CNTN5: variants seen among roughly 807,000 people sequenced by gnomAD.
CNTN5 encodes the protein contactin-5.
In CNTN5, 77 loss-of-function variants were observed where a neutral mutation model predicts 129.1. The ratio of observed to expected loss-of-function variants is 0.60; its 90% CI spans 0.50 to 0.72. The LOEUF is 0.72. Among genes scored for constraint, CNTN5 ranks in the 30% least tolerant of loss-of-function variants. CNTN5 has a pLI of 0.00. For synonymous variants in CNTN5, 509 were observed against 465.6 expected (o/e 1.09, Z -1.20); for missense variants, 1,478 against 1,328.8 (o/e 1.11, Z -1.75).
intron 2 of CNTN5, among the ~76,000 whole-genome samples, chr11:99,528,856 G>A (rs1162594257): frequency 6.6e-6 from 1 of 151,878 alleles, no homozygotes; most frequent in Non-Finnish European, 1.5e-5. Flanking sequence ...CTGAGGTCAG[G>A]AGTTCGAGAA....
intron 21 of CNTN5, among the ~76,000 whole-genome samples, chr11:100,334,276 A>G (rs1837925): frequency 0.29 from 43,642 of 152,054 alleles, 6,577 homozygotes; most frequent in Non-Finnish European, 0.31. Context: ...AAAATCAAAA[A>G]ATAATAGATG....
At chr11:99,235,001 T>G (rs1232772848) in intron 1 of CNTN5, among the ~76,000 whole-genome samples, 2 of 151,642 alleles carry the variant, frequency 1.3e-5, no homozygotes, top group Admixed American at 6.6e-5. Context: ...AATGACTGTT[T>G]GAGGCAGGCC....
intron 2 of CNTN5, among the ~76,000 whole-genome samples, chr11:99,410,595 A>G (rs80047302): frequency 0.014 from 2,124 of 152,310 alleles, 39 homozygotes; most frequent in African/African-American, 0.047. Context: ...AGAAATAGCT[A>G]AACAGCTGTA....
At chr11:99,091,904 A>G (rs1178195803) in intron 1 of CNTN5, among the ~76,000 whole-genome samples, 2 of 152,242 alleles carry the variant, frequency 1.3e-5, no homozygotes, top group African/African-American at 2.4e-5. Context: ...AATAGTTTAC[A>G]TACCTAAATC....
chr11:99,514,570 C>A (rs1023444517), intron 2 of CNTN5, among the ~76,000 whole-genome samples: 1 of 151,948 alleles, frequency 6.6e-6, no homozygotes, highest in African/African-American at 2.4e-5. Context: ...TCATCCAGAA[C>A]CCAATAACAT....
intron 9 of CNTN5, among the ~76,000 whole-genome samples, chr11:100,037,447 T>C (rs994084624): frequency 2.6e-5 from 4 of 152,250 alleles, no homozygotes; most frequent in Admixed American, 2.0e-4. Flanking sequence ...GTTGTGTCTC[T>C]GCCCGGGTTT....
chr11:99,702,496 A>G (rs1264154415), intron 3 of CNTN5, among the ~76,000 whole-genome samples: 3 of 150,964 alleles, frequency 2.0e-5, no homozygotes, highest in Admixed American at 6.6e-5. Flanking sequence ...ATCACTAGAC[A>G]TAGGATTAAA....
intron 3 of CNTN5, among the ~76,000 whole-genome samples, chr11:99,682,628 G>A (rs1416654890): frequency 1.3e-5 from 2 of 151,978 alleles, no homozygotes; most frequent in East Asian, 3.9e-4. Flanking sequence ...TCCGTTCTGT[G>A]TAATAGGTTG....
At chr11:99,926,502 G>C (rs9787826) in intron 7 of CNTN5, among the ~76,000 whole-genome samples, 50,781 of 151,716 alleles carry the variant, frequency 0.33, 8,657 homozygotes, top group East Asian at 0.44. Flanking sequence ...TTTGATGGTA[G>C]TTTTATTTAA....
chr11:100,186,240 T>G lies in CNTN5; in HGVS notation c.1581-4886T>G, dbSNP rs536909590. 1.3e-3 allele frequency among the ~76,000 whole-genome samples: 204 copies of G among 152,076 alleles called. 1 individual carries two copies. The highest frequency in any genetic ancestry group is 4.6e-3 in the African/African-American group (189 of 41,484). On this transcript the variant is annotated intron_variant, in intron 13 of 24. Coordinates refer to ENST00000524871, the MANE Select transcript of CNTN5 (RefSeq NM_014361.4). The stretch of plus-strand genomic sequence containing the variant: ...TACAAAAATTAGCCAGGCATGGTGG[T>G]GCATGCCTGTAGTCCCAGTCTTTAC...
intron 13 of CNTN5, among the ~76,000 whole-genome samples, chr11:100,171,733 C>T (rs975091296): frequency 3.9e-5 from 6 of 151,938 alleles, no homozygotes; most frequent in African/African-American, 1.4e-4. Context: ...TTTAATTTCT[C>T]TCTCTTTGTG....
At position 99,478,706 on chromosome 11, in the gene CNTN5, C is replaced by G. The variant is rs929762386; in HGVS notation, c.-70-77439C>G. ...CATGTAAAATGCATGGTGAAGGTAGCCAAAATATTTTGAAAATTCAAAATC... is the reference window on the plus strand; with the variant it reads ...CATGTAAAATGCATGGTGAAGGTAGGCAAAATATTTTGAAAATTCAAAATC... On this transcript the variant is annotated intron_variant, in intron 2 of 24. Transcript: ENST00000524871. 2.6e-5 allele frequency among the ~76,000 whole-genome samples: 4 copies of G among 151,878 alleles called. No homozygotes were observed. The South Asian group carries it at 6.2e-4, about 24-fold the overall frequency.
intron 3 of CNTN5, among the ~76,000 whole-genome samples, chr11:99,565,719 A>G (rs1948983268): frequency 6.6e-6 from 1 of 152,196 alleles, no homozygotes; most frequent in Non-Finnish European, 1.5e-5. Context: ...AAGAGTATAT[A>G]CGATTGTGAA....
chr11:99,707,296 T>G (rs611346), intron 3 of CNTN5, among the ~76,000 whole-genome samples: 43,619 of 151,408 alleles, frequency 0.29, 6,683 homozygotes, highest in Middle Eastern at 0.43. Flanking sequence ...AGTGTTCAAG[T>G]TTCATTACAA....
chr11:99,783,274 C>T (rs1174718681), intron 3 of CNTN5, among the ~76,000 whole-genome samples: 2 of 95,026 alleles, frequency 2.1e-5, no homozygotes, highest in Middle Eastern at 3.9e-3. Flanking sequence ...AATGAGATAC[C>T]ATCTCACACC....
intron 2 of CNTN5, among the ~76,000 whole-genome samples, chr11:99,327,972 A>G (rs908049016): frequency 2.0e-5 from 3 of 152,188 alleles, no homozygotes; most frequent in Admixed American, 2.0e-4. Flanking sequence ...ATAGATTTTT[A>G]GCATTGCCAG....
chr11:99,290,824 G>A (rs962521778), intron 1 of CNTN5, among the ~76,000 whole-genome samples: 27 of 151,728 alleles, frequency 1.8e-4, no homozygotes, highest in Admixed American at 1.2e-3. Flanking sequence ...ATGAAATGTC[G>A]GTTTGGTGAA....
intron 3 of CNTN5, among the ~76,000 whole-genome samples, chr11:99,589,361 T>C (rs180966821): frequency 6.6e-6 from 1 of 152,358 alleles, no homozygotes; most frequent in East Asian, 1.9e-4. Context: ...AATTTCAACA[T>C]ATAATTCAAT....
chr11:99,637,408 A>C lies in CNTN5; in HGVS notation c.55+81139A>C, dbSNP rs1591399100. Reference sequence around the variant, plus strand: ...CATAATACTTGTATAAATTGAATAAACATAAGCAAACACATCACATGGCAA... The same window carrying C: ...CATAATACTTGTATAAATTGAATAACCATAAGCAAACACATCACATGGCAA... On this transcript the variant is annotated intron_variant, in intron 3 of 24. Coordinates refer to ENST00000524871, the MANE Select transcript of CNTN5 (RefSeq NM_014361.4). 2.0e-5 allele frequency among the ~76,000 whole-genome samples: 3 copies of C among 152,206 alleles called. No individual in the cohort carries two copies. In the East Asian group the frequency reaches 5.8e-4, roughly 29 times the overall value.
Sources: allele counts gnomAD v4.1 joint callset (sites outside exome capture counted in the v4.1 genomes callset), GRCh38; gene constraint gnomAD v4.1.1; transcripts MANE v1.5; gene names NCBI Gene and HGNC (gene_info 2026-07-23, HGNC 2026-07-21).